The following TFRC variants were observed in gnomAD, a reference collection of about 807,000 sequenced individuals.
TFRC encodes transferrin receptor, also known as transferrin receptor protein 1.
A neutral mutation model predicts 85.8 loss-of-function variants in TFRC; 35 were observed. That is an observed-to-expected ratio of 0.41 (90% CI 0.31 to 0.54). TFRC has a LOEUF of 0.54. TFRC is among the 20% of genes least tolerant of loss of function. The pLI is 0.31. For synonymous variants in TFRC, 362 were observed against 328.6 expected (o/e 1.10, Z -1.10); for missense variants, 828 against 921.5 (o/e 0.90, Z 1.31).
intron 16 of TFRC, among the ~76,000 whole-genome samples, chr3:196,057,398 G>A (rs1415647216): frequency 6.6e-6 from 1 of 152,044 alleles, no homozygotes; most frequent in Non-Finnish European, 1.5e-5. Flanking sequence ...TTAGTTGTAA[G>A]CCCTTAAAAA....
At chr3:196,055,044 C>G (rs1223923159) in intron 17 of TFRC, 36 bp downstream of exon 17, 1 of 1,591,224 alleles carries the variant, frequency 6.3e-7, no homozygotes. Context: ...ACTTGACATT[C>G]AGCAAAATAA....
At chr3:196,072,784 G>C (rs1416217611) in intron 4 of TFRC, 5 of 152,118 alleles carry the variant, frequency 3.3e-5, no homozygotes, top group South Asian at 2.1e-4. Flanking sequence ...TTGCACAGAG[G>C]CATGTATGTG....
At position 196,075,184 on chromosome 3, in the gene TFRC, A is replaced by C; in HGVS notation, c.213T>G (p.Ile71Met). 1 of 1,614,232 alleles carries C rather than the reference A, an allele frequency of 6.2e-7. No individual in the cohort carries two copies. The highest frequency in any genetic ancestry group is 1.1e-5 in the South Asian group (1 of 91,092). Residue 71 changes from isoleucine (I) to methionine (M), a missense_variant, in exon 3 of 19, where the codon ATT becomes ATG. By Grantham distance (10) the Ile-to-Met change is conservative (BLOSUM62 1). Coordinates refer to ENST00000360110, the MANE Select transcript of TFRC (RefSeq NM_001128148.3). Reference sequence around the variant, plus strand: ...CAATCAAGAAAAAGACGATCACAGCAATAGTCCCATAGCAGATACTTCCAC... The same window carrying C: ...CAATCAAGAAAAAGACGATCACAGCCATAGTCCCATAGCAGATACTTCCAC... ...RCSGSICYGT[I>M]AVIVFFLIGF...
At chr3:196,052,815 T>G (rs1271090755) in intron 18 of TFRC, among the ~76,000 whole-genome samples, 1 of 151,906 alleles carries the variant, frequency 6.6e-6, no homozygotes, top group African/African-American at 2.4e-5. Context: ...TCTTCTAAGG[T>G]TAAAATTCTA....
chr3:196,062,752 A>G, intron 12 of TFRC, 102 bp downstream of exon 12: 2 of 1,551,796 alleles, frequency 1.3e-6, no homozygotes, highest in Non-Finnish European at 1.8e-6. Flanking sequence ...ACTAAACGCA[A>G]AGGCAAAAGT....
chr3:196,075,259 T>G lies in TFRC; in HGVS notation c.138A>C (p.Glu46Asp). The change falls in exon 3 of 19, where the codon GAA (glutamate) becomes GAC (aspartate). Residue 46 changes from glutamate (E) to aspartate (D), a missense_variant. Coordinates refer to ENST00000360110, the MANE Select transcript of TFRC (RefSeq NM_001128148.3). ...TGGCCTTTGTGTTATTGTCAGCATT[T>G]TCTTCTTCATCTACAGCAAGTTTCA... ...VEMKLAVDEE[E>D]NADNNTKANV... is the part of the protein sequence containing the mutation. 1 of 1,614,146 alleles carries G rather than the reference T, an allele frequency of 6.2e-7. No homozygotes were observed. Among genetic ancestry groups the G allele is most frequent in the Non-Finnish European group, 8.5e-7 (1 of 1,180,012 alleles).
At chr3:196,067,153 G>A (rs1244190016) in intron 9 of TFRC, among the ~76,000 whole-genome samples, 1 of 152,214 alleles carries the variant, frequency 6.6e-6, no homozygotes, top group Non-Finnish European at 1.5e-5. Flanking sequence ...GATGTTTCGG[G>A]GAATAGGATT....
At chr3:196,069,675 AAG>A in intron 6 of TFRC, 107 bp from the exon 7 acceptor site, 1 of 625,784 alleles carries the variant, frequency 1.6e-6, no homozygotes, top group Admixed American at 3.4e-5. Context: ...CAACCCAAGT[AAG>A]AGATAAAAGG....
chr3:196,076,251 G>GC (rs1553799833), intron 2 of TFRC, among the ~76,000 whole-genome samples: 1 of 151,810 alleles, frequency 6.6e-6, no homozygotes, highest in Non-Finnish European at 1.5e-5. Flanking sequence ...CTGGATGGCT[G>GC]TTTTTTTTGT....
Position 196,050,936 on chromosome 3 carries a change from GAT to G in TFRC, c.*1004_*1005del, listed in dbSNP as rs1170223022. ...CAGTATCTGTTGGGTTTTATTAGCAGATGCTGCTTTTATTTAAAAAAAACCGA... is the reference window on the plus strand; with the variant it reads ...CAGTATCTGTTGGGTTTTATTAGCAGGCTGCTTTTATTTAAAAAAAACCGA... On this transcript the variant is annotated 3_prime_UTR_variant, in exon 19 of 19. Transcript: ENST00000360110. The G allele has an allele frequency of 5.1e-6, 1 of 196,140 alleles. No homozygotes were observed. Among genetic ancestry groups the G allele is most frequent in the Non-Finnish European group, 1.1e-5 (1 of 94,306 alleles). The allele number at this position is 196,140 out of a possible 1,614,324, so 12.1% of individuals were successfully genotyped here.
chr3:196,053,190 T>C (rs1236098292), intron 18 of TFRC, among the ~76,000 whole-genome samples: 1 of 152,176 alleles, frequency 6.6e-6, no homozygotes, highest in East Asian at 1.9e-4. Context: ...CAGATTCTTT[T>C]CCCCATTGGA....
intron 9 of TFRC, among the ~76,000 whole-genome samples, chr3:196,066,411 T>C (rs759214732): frequency 2.6e-5 from 4 of 151,820 alleles, no homozygotes; most frequent in Admixed American, 6.6e-5. Flanking sequence ...GCCAGGATCA[T>C]GCCACTGCAC....
At chr3:196,066,315 G>A (rs1717739589) in intron 9 of TFRC, among the ~76,000 whole-genome samples, 1 of 152,074 alleles carries the variant, frequency 6.6e-6, no homozygotes, top group South Asian at 2.1e-4. Context: ...TTCCTCAGCT[G>A]GGTGCGGTGG....
At chr3:196,067,780 G>T in intron 8 of TFRC, 123 bp from the exon 9 acceptor site, 3 of 1,136,476 alleles carry the variant, frequency 2.6e-6, no homozygotes, top group Non-Finnish European at 3.7e-6. Context: ...TCAAAAATCT[G>T]AGTGGCTCTA....
intron 9 of TFRC, 96 bp from the exon 10 acceptor site, chr3:196,065,696 C>A: frequency 7.3e-7 from 1 of 1,368,514 alleles, no homozygotes; most frequent in Non-Finnish European, 9.7e-7. Flanking sequence ...GACATATAAA[C>A]AAAACTTACT....
intron 9 of TFRC, among the ~76,000 whole-genome samples, chr3:196,066,445 A>C (rs1717749284): frequency 6.6e-6 from 1 of 152,182 alleles, no homozygotes; most frequent in African/African-American, 2.4e-5. Context: ...ACAGAGTGAG[A>C]CTGTCAAAAT....
intron 16 of TFRC, among the ~76,000 whole-genome samples, chr3:196,056,220 A>G (rs1716782751): frequency 6.6e-6 from 1 of 152,110 alleles, no homozygotes; most frequent in African/African-American, 2.4e-5. Flanking sequence ...TTGTAGAGAT[A>G]TAGTCTAGGC....
At chr3:196,074,176 T>A (rs775145909) in intron 3 of TFRC, 51 bp from the exon 4 acceptor site, 1 of 1,487,600 alleles carries the variant, frequency 6.7e-7, no homozygotes, top group South Asian at 1.2e-5. Flanking sequence ...TTGTAATCTA[T>A]CCCTGTTAAT....
intron 7 of TFRC, 144 bp downstream of exon 7, chr3:196,069,311 G>A (rs1454237067): frequency 3.4e-6 from 2 of 595,502 alleles, no homozygotes; most frequent in Non-Finnish European, 2.9e-6. Flanking sequence ...CATTTGTTGA[G>A]CATTTTAATA....
Sources: allele counts gnomAD v4.1 joint callset (sites outside exome capture counted in the v4.1 genomes callset), GRCh38; gene constraint gnomAD v4.1.1; transcripts MANE v1.5; gene names NCBI Gene and HGNC (gene_info 2026-07-23, HGNC 2026-07-21).